ZNHIT6: variants seen among roughly 807,000 people sequenced by gnomAD.
The protein encoded by ZNHIT6 is zinc finger HIT-type containing 6, also known as box C/D snoRNA protein 1.
ZNHIT6 carries 45 observed loss-of-function variants against 57.2 expected under a neutral mutation model. The observed-to-expected ratio is 0.79, with a 90% CI of 0.62 to 1.01. The LOEUF is 1.01. Ranked by LOEUF, ZNHIT6 falls within the 50% of genes least tolerant of loss-of-function variation. ZNHIT6 has a pLI of 0.00. For missense variants in ZNHIT6, 528 were observed against 567.3 expected (o/e 0.93, Z 0.70); for synonymous variants, 188 against 190.0 (o/e 0.99, Z 0.09).
Position 85,667,961 on chromosome 1 carries a change from A to AAAAAAAAAAAAAATGTATATATATATAT in ZNHIT6, c.1247+9274_1247+9275insATATATATATATACATTTTTTTTTTTTT. Among the ~76,000 whole-genome samples, 42 of 18,200 alleles carry AAAAAAAAAAAAAATGTATATATATATAT rather than the reference A, an allele frequency of 2.3e-3. 8 individuals are homozygous for AAAAAAAAAAAAAATGTATATATATATAT. The East Asian group carries it at 0.024, about 10-fold the overall frequency. The allele number at this position is 18,200 out of a possible 152,430, so 11.9% of individuals were successfully genotyped here. A position where few individuals can be genotyped will look rare whatever the true frequency, so the allele number is the denominator to read the frequency against. On this transcript the variant is annotated intron_variant, in intron 8 of 9. Transcript: ENST00000370574. The stretch of plus-strand genomic sequence containing the variant: ...ACTCTCTCTTTCAAAAAAAAAAAAA[A>AAAAAAAAAAAAAATGTATATATATATAT]ATATATATATATATATATATATATG...
At chr1:85,691,539 C>T (rs1662219504) in intron 5 of ZNHIT6, among the ~76,000 whole-genome samples, 1 of 152,186 alleles carries the variant, frequency 6.6e-6, no homozygotes, top group Admixed American at 6.5e-5. Context: ...CTTTTGTGGG[C>T]ACAGAAGCTT....
chr1:85,698,477 T>A (rs186897276), intron 5 of ZNHIT6, among the ~76,000 whole-genome samples: 8,918 of 151,934 alleles, frequency 0.059, 362 homozygotes, highest in Middle Eastern at 0.1. Flanking sequence ...AAACTTTTTT[T>A]AAAAAAAATA....
intron 8 of ZNHIT6, among the ~76,000 whole-genome samples, chr1:85,666,681 A>C (rs1386728193): frequency 6.6e-6 from 1 of 152,154 alleles, no homozygotes; most frequent in Non-Finnish European, 1.5e-5. Flanking sequence ...CTTATCATAA[A>C]ACTGCTTTAA....
intron 8 of ZNHIT6, among the ~76,000 whole-genome samples, chr1:85,663,569 G>C (rs1661282224): frequency 6.6e-6 from 1 of 152,164 alleles, no homozygotes. Flanking sequence ...CTAGGTAATG[G>C]AAGTTCATAG....
At chr1:85,690,516 T>C (rs1662186197) in intron 5 of ZNHIT6, among the ~76,000 whole-genome samples, 1 of 152,206 alleles carries the variant, frequency 6.6e-6, no homozygotes, top group Non-Finnish European at 1.5e-5. Flanking sequence ...TGAGTAACAC[T>C]TCCCTCGAAA....
At chr1:85,682,483 G>A (rs917742700) in intron 5 of ZNHIT6, among the ~76,000 whole-genome samples, 10 of 151,876 alleles carry the variant, frequency 6.6e-5, no homozygotes, top group African/African-American at 2.4e-4. Context: ...AAAACCATTC[G>A]CCTTTTAACA....
chr1:85,662,853 C>A (rs1036953251), intron 8 of ZNHIT6, among the ~76,000 whole-genome samples: 1 of 152,084 alleles, frequency 6.6e-6, no homozygotes, highest in African/African-American at 2.4e-5. Context: ...GGTAAATTAT[C>A]CTATTCTAAC....
At chr1:85,667,628 TA>T (rs5775862) in intron 8 of ZNHIT6, among the ~76,000 whole-genome samples, 128,791 of 138,108 alleles carry the variant, frequency 0.93, 60,064 homozygotes, top group Non-Finnish European at 0.96. Flanking sequence ...TATCATCCAT[TA>T]AAAAAAAAAA....
intron 8 of ZNHIT6, among the ~76,000 whole-genome samples, chr1:85,674,853 A>C (rs1182546499): frequency 6.6e-6 from 1 of 152,232 alleles, no homozygotes; most frequent in Non-Finnish European, 1.5e-5. Context: ...CTCTGACAAA[A>C]TAGCCTCTTC....
At chr1:85,686,294 T>C (rs180745109) in intron 5 of ZNHIT6, among the ~76,000 whole-genome samples, 1 of 152,260 alleles carries the variant, frequency 6.6e-6, no homozygotes, top group Admixed American at 6.5e-5. Context: ...CATATTTCAC[T>C]ATTAGAAGTA....
intron 5 of ZNHIT6, among the ~76,000 whole-genome samples, chr1:85,681,445 T>G (rs1348602055): frequency 1.3e-5 from 2 of 152,240 alleles, no homozygotes; most frequent in Admixed American, 1.3e-4. Context: ...AAATGTCTGA[T>G]TTTAGAAAAA....
chr1:85,662,584 A>AT (rs1379217602), intron 8 of ZNHIT6, among the ~76,000 whole-genome samples: 1 of 152,132 alleles, frequency 6.6e-6, no homozygotes, highest in Non-Finnish European at 1.5e-5. Flanking sequence ...CTGTGTAACA[A>AT]TTTTTGCAAC....
intron 8 of ZNHIT6, among the ~76,000 whole-genome samples, chr1:85,673,470 A>C (rs1340261565): frequency 6.6e-6 from 1 of 152,182 alleles, no homozygotes. Flanking sequence ...AGGTATATCT[A>C]TATCATGAGA....
chr1:85,676,006 A>G, intron 8 of ZNHIT6, among the ~76,000 whole-genome samples: 1 of 152,180 alleles, frequency 6.6e-6, no homozygotes, highest in East Asian at 1.9e-4. Context: ...TTGATCTTCT[A>G]TCCAGACCAC....
At chr1:85,679,563 G>GT (rs35523771) in intron 6 of ZNHIT6, among the ~76,000 whole-genome samples, 60,486 of 135,276 alleles carry the variant, frequency 0.45, 13,629 homozygotes, top group Middle Eastern at 0.54. Flanking sequence ...ACATTAAAAT[G>GT]TTTTTTTTTT....
intron 8 of ZNHIT6, among the ~76,000 whole-genome samples, chr1:85,676,364 T>A (rs1444011417): frequency 1.3e-5 from 2 of 152,076 alleles, no homozygotes; most frequent in African/African-American, 4.8e-5. Context: ...AAAGACTGTT[T>A]TACTTTTTTA....
At chr1:85,688,627 G>A (rs943265425) in intron 5 of ZNHIT6, among the ~76,000 whole-genome samples, 16 of 152,266 alleles carry the variant, frequency 1.1e-4, no homozygotes, top group African/African-American at 3.9e-4. Context: ...CTCTAGGGGT[G>A]TACATTATGA....
chr1:85,667,961 A>AAAAAAAAAAAAAAAAATATATATAT, intron 8 of ZNHIT6, among the ~76,000 whole-genome samples: 5 of 18,200 alleles, frequency 2.7e-4, no homozygotes, highest in South Asian at 2.4e-3. Flanking sequence ...AAAAAAAAAA[A>AAAAAAAAAAAAAAAAATATATATAT]ATATATATAT....
chr1:85,672,496 C>A (rs912177484), intron 8 of ZNHIT6, among the ~76,000 whole-genome samples: 1 of 152,060 alleles, frequency 6.6e-6, no homozygotes, highest in African/African-American at 2.4e-5. Context: ...TTCTTAAGGC[C>A]CTCTGTACCC....
Sources: gnomAD v4.1 joint callset for allele counts (sites outside exome capture counted in the v4.1 genomes callset) on GRCh38, gnomAD v4.1.1 for gene constraint, MANE v1.5 for transcripts, NCBI Gene and HGNC (gene_info 2026-07-23, HGNC 2026-07-21) for gene names.